Variants in PLAGL1 observed in about 807,000 individuals in gnomAD.
PLAGL1 encodes zinc finger protein PLAGL1.
Under a neutral mutation model 4.6 loss-of-function variants are expected in PLAGL1, and 1 was observed. That is an observed-to-expected ratio of 0.22 (90% confidence interval 0.08 to 1.03). The LOEUF (loss-of-function observed/expected upper bound fraction) is 1.03. PLAGL1 is among the 50% of genes least tolerant of loss of function. The pLI is 0.58. For missense variants in PLAGL1, 464 were observed against 570.4 expected (o/e 0.81, Z 1.90); for synonymous variants, 240 against 237.8 (o/e 1.01, Z -0.08).
Position 143,972,706 on chromosome 6 carries a change from T to A in PLAGL1, c.-543-3728A>T, listed in dbSNP as rs1424164195. ...CAAAGATGTTTTAAAATATAATGAA[T>A]GAAAGATGGATTTTAGAGAGTTTCA... On this transcript the variant is annotated intron_variant, in intron 2 of 7. Transcript: ENST00000674357. The surrounding 1 kb of genome is among the most constrained non-coding windows in gnomAD (Gnocchi z 6.8). Among the ~76,000 whole-genome samples, 2 of 152,180 alleles carry A rather than the reference T, an allele frequency of 1.3e-5. No homozygotes were observed. The highest frequency in any genetic ancestry group is 4.8e-5 in the African/African-American group (2 of 41,452).
chr6:143,993,482 C>T (rs1406223337), intron 1 of PLAGL1, among the ~76,000 whole-genome samples: 1 of 151,928 alleles, frequency 6.6e-6, no homozygotes, highest in East Asian at 1.9e-4. Flanking sequence ...AGTGAGGAGA[C>T]GGCAGACATT....
chr6:144,004,761 T>C lies in PLAGL1; in HGVS notation c.-584+3329A>G, dbSNP rs1453057175. Among the ~76,000 whole-genome samples the C allele has an allele frequency of 4.6e-5, 7 of 151,954 alleles. No individual in the cohort carries two copies. Among genetic ancestry groups the C allele is most frequent in the Admixed American group, 4.6e-4 (7 of 15,248 alleles). ...TGTAGAATTCAACATGGATAAAAAA[T>C]ATATTAAATACATTAAATCTACCTT... On this transcript the variant is annotated intron_variant, in intron 1 of 7. Coordinates refer to ENST00000674357, the MANE Select transcript of PLAGL1 (RefSeq NM_001317162.2). This position sits in a 1 kb window ranked among gnomAD's most constrained non-coding sequence, Gnocchi z 4.2.
rs534484916 is a variant in PLAGL1, at chr6:143,962,934, A to G, written c.-399+1853T>C. ...AAGCCTCTCGAATATGTTTTATTTT[A>G]TTTTCCAGATGGAAAGGAGCCCACC... On this transcript the variant is annotated intron_variant, in intron 5 of 7. Transcript: ENST00000674357. This position sits in a 1 kb window ranked among gnomAD's most constrained non-coding sequence, Gnocchi z 5.3. 6.6e-6 allele frequency among the ~76,000 whole-genome samples: 1 copy of G among 152,306 alleles called. No individual in the cohort carries two copies. The highest frequency in any genetic ancestry group is 1.9e-4 in the East Asian group (1 of 5,184).
chr6:143,943,462 G>A (rs1004634793), intron 7 of PLAGL1, among the ~76,000 whole-genome samples: 1 of 151,936 alleles, frequency 6.6e-6, no homozygotes, highest in Non-Finnish European at 1.5e-5. Context: ...TCAGAAAAGT[G>A]TCTAATAGGA....
At chr6:143,974,844 G>A (rs1786152799) in intron 2 of PLAGL1, among the ~76,000 whole-genome samples, 1 of 152,144 alleles carries the variant, frequency 6.6e-6, no homozygotes, top group Non-Finnish European at 1.5e-5. Context: ...AGGTTCTCTG[G>A]AAACTTGCTA....
rs375855171 is a variant in PLAGL1 at position 144,057,753 on chromosome 6, C to T, written c.-151+6715G>A. The stretch of plus-strand genomic sequence containing the variant: ...GAAAGTGGCAAATGCCATCCCATGC[C>T]TTCCACACCACCACGCCTCACCATT... On this transcript the variant is annotated intron_variant, in intron 1 of 3. Coordinates refer to the PLAGL1 transcript ENST00000437412. Among the ~76,000 whole-genome samples the T allele has an allele frequency of 1.1e-4, 17 of 150,728 alleles. No individual in the cohort carries two copies. The East Asian group carries it at 3.3e-3, about 30-fold the overall frequency.
At chr6:144,028,618 T>G (rs1316564875) in intron 1 of PLAGL1, among the ~76,000 whole-genome samples, 1 of 152,174 alleles carries the variant, frequency 6.6e-6, no homozygotes, top group Non-Finnish European at 1.5e-5. Context: ...AAGAGTACAT[T>G]CCCTGCAATC....
intron 1 of PLAGL1, among the ~76,000 whole-genome samples, chr6:143,998,603 T>G (rs1173885072): frequency 6.6e-6 from 1 of 152,168 alleles, no homozygotes; most frequent in Non-Finnish European, 1.5e-5. Flanking sequence ...GAACCCTATC[T>G]AAGAACCTGA....
At position 143,955,091 on chromosome 6, in the gene PLAGL1, T is replaced by C. The variant is rs886519757; in HGVS notation, c.-325+5378A>G. 6.6e-6 allele frequency among the ~76,000 whole-genome samples: 1 copy of C among 152,234 alleles called. No homozygotes were observed. The highest frequency in any genetic ancestry group is 2.4e-5 in the African/African-American group (1 of 41,460). ...AATTACATTGCTCTATAATGACATA[T>C]GCATGAAAACAGATAAATAGAAGTG... On this transcript the variant is annotated intron_variant, in intron 6 of 7. Transcript: ENST00000674357. The surrounding 1 kb of genome is among the most constrained non-coding windows in gnomAD (Gnocchi z 4.9).
At chr6:143,987,436 G>GTTTTTTT (rs1789451407) in intron 1 of PLAGL1, among the ~76,000 whole-genome samples, 3 of 32,202 alleles carry the variant, frequency 9.3e-5, no homozygotes, top group Non-Finnish European at 1.7e-4. Context: ...CACCACACTG[G>GTTTTTTT]CTTTTTTTTT....
rs975247306 is a variant in PLAGL1, at chr6:143,997,789, G to A, written c.-584+10301C>T. On this transcript the variant is annotated intron_variant, in intron 1 of 7. Transcript: ENST00000674357. The surrounding 1 kb of genome is among the most constrained non-coding windows in gnomAD (Gnocchi z 4.6). Reference sequence around the variant, plus strand: ...GGGAGGTGTTGACCAGGAGGTAAATGAGAGAATTTTATCCTCGATGGATGT... The same window carrying A: ...GGGAGGTGTTGACCAGGAGGTAAATAAGAGAATTTTATCCTCGATGGATGT... 6.9e-6 allele frequency among the ~76,000 whole-genome samples: 1 copy of A among 145,002 alleles called. No homozygotes were observed. Among genetic ancestry groups the A allele is most frequent in the South Asian group, 2.1e-4 (1 of 4,816 alleles).
chr6:143,942,112 T>C lies in PLAGL1; in HGVS notation c.704A>G (p.Lys235Arg). 6.2e-7 allele frequency: 1 copy of C among 1,614,130 alleles called. No individual in the cohort carries two copies. The highest frequency in any genetic ancestry group is 8.5e-7 in the Non-Finnish European group (1 of 1,180,026). ...FHTISPSFQL[K>R]AAALPPFPLG... ...AGGGAAAGGAGGCAAGGCAGCAGCCTTCAGTTGGAATGAAGGCGAGATGGT... is the reference window on the plus strand; with the variant it reads ...AGGGAAAGGAGGCAAGGCAGCAGCCCTCAGTTGGAATGAAGGCGAGATGGT... Residue 235 changes from lysine (K) to arginine (R), a missense_variant, in exon 8 of 8, where the codon AAG (lysine) becomes AGG (arginine). By Grantham distance (26) the Lys-to-Arg change is conservative. Coordinates refer to ENST00000674357, the MANE Select transcript of PLAGL1 (RefSeq NM_001317162.2). This position sits in a 1 kb window ranked among gnomAD's most constrained non-coding sequence, Gnocchi z 7.6.
chr6:144,010,032 C>T (rs1242300009), upstream of PLAGL1, among the ~76,000 whole-genome samples: 3 of 151,932 alleles, frequency 2.0e-5, no homozygotes, highest in African/African-American at 7.3e-5. The surrounding 1 kb of genome is among the most constrained non-coding windows in gnomAD (Gnocchi z 4.1). Flanking sequence ...GGGTATATAC[C>T]CAGTAATGAG....
At chr6:144,028,945 T>G (rs901302951) in intron 1 of PLAGL1, among the ~76,000 whole-genome samples, 1 of 152,222 alleles carries the variant, frequency 6.6e-6, no homozygotes, top group African/African-American at 2.4e-5. Context: ...TTTCTCATTT[T>G]TTATGTAATT....
intron 3 of PLAGL1, chr6:143,967,588 T>C (rs1293399959): frequency 2.0e-5 from 3 of 152,226 alleles, no homozygotes; most frequent in East Asian, 1.9e-4. Context: ...GGCAATATCA[T>C]GTTTAACTAG....
In PLAGL1 at chr6:143,990,283, G is replaced by C. The variant is rs1388992338; in HGVS notation, c.-583-5109C>G. ...TTACAGGCATGTGCCACCATGCCCA[G>C]CTAATTTTTGTATTTTTATTAGAGA... is the stretch of plus-strand genomic sequence containing the variant. On this transcript the variant is annotated intron_variant, in intron 1 of 7. Coordinates refer to ENST00000674357, the MANE Select transcript of PLAGL1 (RefSeq NM_001317162.2). This position sits in a 1 kb window ranked among gnomAD's most constrained non-coding sequence, Gnocchi z 5.4. Among the ~76,000 whole-genome samples the C allele has an allele frequency of 6.6e-6, 1 of 152,124 alleles. No homozygotes were observed. Among genetic ancestry groups the C allele is most frequent in the Non-Finnish European group, 1.5e-5 (1 of 68,018 alleles).
At position 144,031,658 on chromosome 6, in the gene PLAGL1, G is replaced by C. The variant is rs554290418; in HGVS notation, c.-151+32810C>G. 7.2e-5 allele frequency among the ~76,000 whole-genome samples: 11 copies of C among 152,298 alleles called. No individual in the cohort carries two copies. In the South Asian group the frequency reaches 2.3e-3, roughly 32 times the overall value. ...TTGCTTTGTCAATGATCAGTTGACT[G>C]TAAGTATTTGGCTTTATTTCTGGGT... is the stretch of plus-strand genomic sequence containing the variant. On this transcript the variant is annotated intron_variant, in intron 1 of 3. Coordinates refer to the PLAGL1 transcript ENST00000437412.
intron 1 of PLAGL1, among the ~76,000 whole-genome samples, chr6:144,026,541 C>T (rs1583767517): frequency 6.6e-6 from 1 of 152,168 alleles, no homozygotes; most frequent in Non-Finnish European, 1.5e-5. Flanking sequence ...AATTTAGAGA[C>T]CTGTGGTTCA....
chr6:144,047,657 C>T (rs1798262744), intron 1 of PLAGL1, among the ~76,000 whole-genome samples: 1 of 152,116 alleles, frequency 6.6e-6, no homozygotes, highest in Non-Finnish European at 1.5e-5. Context: ...GGAAAACCAT[C>T]CCCATGATCC....
Sources: allele counts gnomAD v4.1 joint callset (sites outside exome capture counted in the v4.1 genomes callset), GRCh38; gene constraint gnomAD v4.1.1; non-coding constraint Gnocchi (gnomAD v3.1); transcripts MANE v1.5; gene names NCBI Gene and HGNC (gene_info 2026-07-23, HGNC 2026-07-21).